PADI4: variants seen among roughly 807,000 people sequenced by gnomAD.
The protein encoded by PADI4 is protein-arginine deiminase type-4.
In PADI4, 62 loss-of-function variants were observed where a neutral mutation model predicts 75.0. That is an observed-to-expected ratio of 0.83 (90% confidence interval 0.67 to 1.02). The LOEUF (loss-of-function observed/expected upper bound fraction) is 1.02, where lower values mean the gene tolerates loss of function less well. PADI4 is among the 50% of genes least tolerant of loss of function. PADI4 has a pLI of 0.00. For missense variants in PADI4, 845 were observed against 850.5 expected (o/e 0.99, Z 0.08); for synonymous variants, 361 against 348.1 (o/e 1.04, Z -0.41).
At chr1:17,341,888 GA>G in intron 6 of PADI4, 54 bp from the exon 7 acceptor site, 1 of 1,408,538 alleles carries the variant, frequency 7.1e-7, no homozygotes, top group East Asian at 2.4e-5. Flanking sequence ...AGGAGAGGAG[GA>G]AAAGTCTTCA....
intron 1 of PADI4, among the ~76,000 whole-genome samples, chr1:17,330,625 C>A (rs145373280): frequency 1.3e-5 from 2 of 152,044 alleles, no homozygotes; most frequent in African/African-American, 4.8e-5. Context: ...GCAGGAGGAG[C>A]GGAAGGAAGC....
At chr1:17,309,521 G>C (rs2073760190) in intron 1 of PADI4, among the ~76,000 whole-genome samples, 1 of 152,096 alleles carries the variant, frequency 6.6e-6, no homozygotes, top group African/African-American at 2.4e-5. Context: ...CTGAGCCAGT[G>C]AATCTAAATA....
Position 17,336,173 on chromosome 1 carries a change from G to C in PADI4, c.355G>C (p.Ala119Pro), listed in dbSNP as rs1283675704. ...TGGGATTTCAGAAATCTCCTTGTGC[G>C]CAGACATCACCCGCACCGGCAAAGT... is the stretch of plus-strand genomic sequence containing the variant. Reference protein sequence around the residue: ...YLTGVEISLCADITRTGKVKP... With the variant: ...YLTGVEISLCPDITRTGKVKP... The change falls in exon 4 of 16, where the codon GCA becomes CCA. Residue 119 changes from alanine to proline, a missense_variant. By Grantham distance (27) the Ala-to-Pro change is conservative. Coordinates refer to ENST00000375448, the MANE Select transcript of PADI4 (RefSeq NM_012387.3). 6.2e-7 allele frequency: 1 copy of C among 1,612,710 alleles called. No homozygotes were observed. The highest frequency in any genetic ancestry group is 1.1e-5 in the South Asian group (1 of 91,054).
chr1:17,344,409 AGC>A (rs2074478489), intron 8 of PADI4, among the ~76,000 whole-genome samples: 2 of 152,388 alleles, frequency 1.3e-5, no homozygotes, highest in South Asian at 4.1e-4. Context: ...GAGAAATTCA[AGC>A]CAGCTGCAGA....
Position 17,317,542 on chromosome 1 carries a change from T to A in PADI4, c.92+9228T>A, listed in dbSNP as rs144101837. Reference sequence around the variant, plus strand: ...TCTCGGCCTCCCAAAGTGCTGGGATTACAGGCTTGAGCCACCATGCCTGGC... The same window carrying A: ...TCTCGGCCTCCCAAAGTGCTGGGATAACAGGCTTGAGCCACCATGCCTGGC... On this transcript the variant is annotated intron_variant, in intron 1 of 15. Coordinates refer to ENST00000375448, the MANE Select transcript of PADI4 (RefSeq NM_012387.3). Among the ~76,000 whole-genome samples the A allele has an allele frequency of 5.5e-3, 838 of 151,866 alleles. 10 individuals carry two copies. Among genetic ancestry groups the A allele is most frequent in the African/African-American group, 0.019 (802 of 41,472 alleles).
chr1:17,335,652 C>G (rs1312965410), intron 3 of PADI4, among the ~76,000 whole-genome samples: 1 of 152,214 alleles, frequency 6.6e-6, no homozygotes, highest in Admixed American at 6.5e-5. Context: ...GCCATTTGGA[C>G]AGAGTGGGGG....
intron 1 of PADI4, among the ~76,000 whole-genome samples, chr1:17,317,275 C>A (rs1234243098): frequency 6.6e-6 from 1 of 151,548 alleles, no homozygotes; most frequent in African/African-American, 2.4e-5. Context: ...ATGCACGCCA[C>A]AGACATAATG....
At chr1:17,357,938 A>AG (rs1254007225) in intron 13 of PADI4, among the ~76,000 whole-genome samples, 2 of 88,236 alleles carry the variant, frequency 2.3e-5, no homozygotes, top group Non-Finnish European at 4.5e-5. Context: ...CTCAAAAAAA[A>AG]AAAAAAAAAC....
At chr1:17,362,776 T>G (rs1009038453) in intron 15 of PADI4, among the ~76,000 whole-genome samples, 1 of 152,202 alleles carries the variant, frequency 6.6e-6, no homozygotes, top group African/African-American at 2.4e-5. Flanking sequence ...GCAAACAATT[T>G]TCCACGTCTG....
At chr1:17,328,956 G>C (rs147475749) in intron 1 of PADI4, among the ~76,000 whole-genome samples, 1 of 147,932 alleles carries the variant, frequency 6.8e-6, no homozygotes, top group Non-Finnish European at 1.5e-5. Flanking sequence ...TTAAAATATC[G>C]GTTTTTGTTC....
Position 17,354,258 on chromosome 1 carries a change from G to C in PADI4, c.1156-275G>C, listed in dbSNP as rs940213005. ...ACTCTGTCTTAAGGGGAAAAAAAAT[G>C]ATGTTTTACAGATTTGTTTTATGCC... On this transcript the variant is annotated intron_variant, in intron 10 of 15. Transcript: ENST00000375448. Among the ~76,000 whole-genome samples, 5 of 151,948 alleles carry C rather than the reference G, an allele frequency of 3.3e-5. No individual in the cohort carries two copies. In the East Asian group the frequency reaches 7.7e-4, roughly 24 times the overall value.
At chr1:17,358,991 A>C (rs1442118260) in intron 14 of PADI4, 83 bp downstream of exon 14, 2 of 929,696 alleles carry the variant, frequency 2.2e-6, no homozygotes, top group African/African-American at 3.3e-5. Flanking sequence ...AGAGGCACAC[A>C]GAGGCTCAGG....
At chr1:17,354,437 T>C in intron 10 of PADI4, 96 bp from the exon 11 acceptor site, 2 of 1,054,598 alleles carry the variant, frequency 1.9e-6, no homozygotes, top group South Asian at 2.6e-5. Context: ...ACTGAGTTAC[T>C]TCCTGTGCCC....
chr1:17,327,880 A>G (rs72633848), intron 1 of PADI4, among the ~76,000 whole-genome samples: 21,670 of 151,528 alleles, frequency 0.14, 2,081 homozygotes, highest in Non-Finnish European at 0.21. Flanking sequence ...TATTTGTCCA[A>G]TTTCTCCCTA....
At chr1:17,326,904 C>CTTTT (rs140721491) in intron 1 of PADI4, among the ~76,000 whole-genome samples, 37 of 132,124 alleles carry the variant, frequency 2.8e-4, no homozygotes, top group South Asian at 9.5e-4. Flanking sequence ...GCCTTATATG[C>CTTTT]TTTTTTTTTT....
intron 3 of PADI4, chr1:17,334,225 G>A (rs2074268820): frequency 1.8e-6 from 1 of 561,730 alleles, no homozygotes; most frequent in Middle Eastern, 4.7e-4. Context: ...TGGTGGTGCG[G>A]GGAATTTTAA....
intron 8 of PADI4, among the ~76,000 whole-genome samples, chr1:17,344,806 G>T (rs1461655632): frequency 6.6e-6 from 1 of 152,260 alleles, no homozygotes; most frequent in African/African-American, 2.4e-5. Flanking sequence ...CCAGGCAGAA[G>T]TTTGCTGCAG....
chr1:17,310,954 G>A (rs957461710), intron 1 of PADI4, among the ~76,000 whole-genome samples: 6 of 152,022 alleles, frequency 3.9e-5, no homozygotes, highest in South Asian at 2.1e-4. Flanking sequence ...AAAATTAGCC[G>A]GGCGTGGTAG....
chr1:17,339,361 A>G (rs1340015699), intron 5 of PADI4, among the ~76,000 whole-genome samples: 1 of 152,140 alleles, frequency 6.6e-6, no homozygotes, highest in Non-Finnish European at 1.5e-5. Context: ...TCATTGTTCT[A>G]GGGAGTTCTC....
Sources: allele counts gnomAD v4.1 joint callset (sites outside exome capture counted in the v4.1 genomes callset), GRCh38; gene constraint gnomAD v4.1.1; transcripts MANE v1.5; gene names NCBI Gene and HGNC (gene_info 2026-07-23, HGNC 2026-07-21).